Variants in TCF12 observed in about 807,000 individuals in gnomAD.
TCF12 encodes the protein transcription factor 12.
In TCF12, 45 loss-of-function variants were observed where a neutral mutation model predicts 86.0. The ratio of observed to expected loss-of-function variants is 0.52; its 90% CI spans 0.41 to 0.67. The LOEUF (loss-of-function observed/expected upper bound fraction) is 0.67. TCF12 is among the 30% of genes least tolerant of loss of function. TCF12 has a pLI of 0.00. For missense variants in TCF12, 881 were observed against 859.9 expected, an observed-to-expected ratio of 1.02 and a Z score of -0.31; for synonymous variants, 330 against 299.6, an observed-to-expected ratio of 1.10 and a Z score of -1.05.
At chr15:57,001,584 T>C (rs1379992128) in intron 3 of TCF12, among the ~76,000 whole-genome samples, 3 of 152,212 alleles carry the variant, frequency 2.0e-5, no homozygotes, top group Non-Finnish European at 4.4e-5. Flanking sequence ...TAGTTTTCCT[T>C]ATACCTGATG....
chr15:57,135,512 A>G (rs1382045290), intron 5 of TCF12, among the ~76,000 whole-genome samples: 1 of 152,204 alleles, frequency 6.6e-6, no homozygotes, highest in Non-Finnish European at 1.5e-5. Context: ...TATCAACCTT[A>G]AAGGTGTTTC....
chr15:57,026,372 A>G (rs1313880361), intron 3 of TCF12, among the ~76,000 whole-genome samples: 2 of 152,226 alleles, frequency 1.3e-5, no homozygotes, highest in African/African-American at 2.4e-5. Flanking sequence ...GGGTTTCAGC[A>G]GTGAAAAAGA....
intron 6 of TCF12, among the ~76,000 whole-genome samples, chr15:57,172,881 A>T (rs2055617207): frequency 6.6e-6 from 1 of 151,930 alleles, no homozygotes; most frequent in Non-Finnish European, 1.5e-5. Context: ...CAGGAGGATC[A>T]CTTGAGCCCA....
At chr15:57,147,743 G>C (rs544626210) in intron 5 of TCF12, among the ~76,000 whole-genome samples, 5 of 152,108 alleles carry the variant, frequency 3.3e-5, no homozygotes, top group Non-Finnish European at 7.4e-5. Context: ...GAAAATGATA[G>C]TAAAATGTAG....
At position 56,986,860 on chromosome 15, in the gene TCF12, G is replaced by A. The variant is rs111892966; in HGVS notation, c.148+65762G>A. The stretch of plus-strand genomic sequence containing the variant: ...ATAATTCTGACAAAATTAGTTACAT[G>A]TAATACATAGCAGGATGTACTTGTT... On this transcript the variant is annotated intron_variant, in intron 3 of 20. Coordinates refer to ENST00000333725, the MANE Select transcript of TCF12 (RefSeq NM_207037.2). 9.0e-4 allele frequency among the ~76,000 whole-genome samples: 137 copies of A among 152,266 alleles called. 4 individuals carry two copies. Among genetic ancestry groups the A allele is most frequent in the African/African-American group, 3.2e-3 (135 of 41,546 alleles).
Position 56,999,389 on chromosome 15 carries a change from T to TA in TCF12, c.149-64355dup, listed in dbSNP as rs1161187802. Among the ~76,000 whole-genome samples, 8 of 121,388 alleles carry TA rather than the reference T, an allele frequency of 6.6e-5. No homozygotes were observed. The South Asian group carries it at 1.3e-3, about 19-fold the overall frequency. The allele number at this position is 121,388 out of a possible 152,430, so 79.6% of individuals were successfully genotyped here. ...CAATACAGCAGAAAAAGGGAAGACATAAAAAACTAGTATCAGCAACCAAAC... is the reference window on the plus strand; with the variant it reads ...CAATACAGCAGAAAAAGGGAAGACATAAAAAAACTAGTATCAGCAACCAAAC... On this transcript the variant is annotated intron_variant, in intron 3 of 20. Coordinates refer to ENST00000333725, the MANE Select transcript of TCF12 (RefSeq NM_207037.2).
chr15:57,139,530 A>G (rs1233361742), intron 5 of TCF12, among the ~76,000 whole-genome samples: 1 of 152,140 alleles, frequency 6.6e-6, no homozygotes, highest in Non-Finnish European at 1.5e-5. Flanking sequence ...TGGAAAAATT[A>G]ATAGTATCAC....
intron 5 of TCF12, among the ~76,000 whole-genome samples, chr15:57,123,078 A>G (rs560297311): frequency 8.5e-5 from 13 of 152,364 alleles, no homozygotes; most frequent in Non-Finnish European, 1.6e-4. Context: ...TGTCATTCAC[A>G]ACAATGAATG....
intron 5 of TCF12, among the ~76,000 whole-genome samples, chr15:57,097,105 A>G (rs1478371164): frequency 2.0e-5 from 3 of 152,204 alleles, no homozygotes; most frequent in African/African-American, 7.2e-5. Context: ...CAAATAACCA[A>G]ATTTCAAAGA....
At chr15:57,063,293 TCTGATCA>T (rs2068601434) in intron 3 of TCF12, among the ~76,000 whole-genome samples, 1 of 152,240 alleles carries the variant, frequency 6.6e-6, no homozygotes, top group Admixed American at 6.5e-5. Context: ...GTTAAGAATA[TCTGATCA>T]CTGATCAGAA....
At chr15:57,222,801 A>G (rs1441214029) in intron 8 of TCF12, among the ~76,000 whole-genome samples, 1 of 56,460 alleles carries the variant, frequency 1.8e-5, no homozygotes, top group Non-Finnish European at 3.4e-5. Flanking sequence ...TTTTACTTTT[A>G]AGATTCTGGA....
chr15:57,193,512 T>C (rs2057092456), intron 7 of TCF12, among the ~76,000 whole-genome samples: 1 of 152,256 alleles, frequency 6.6e-6, no homozygotes, highest in Non-Finnish European at 1.5e-5. Context: ...TCTCTGATGC[T>C]TTATCCAAAC....
At chr15:57,111,506 G>A (rs1247536356) in intron 5 of TCF12, among the ~76,000 whole-genome samples, 2 of 151,530 alleles carry the variant, frequency 1.3e-5, no homozygotes, top group African/African-American at 4.9e-5. Context: ...ACAACCATCA[G>A]CCACAGGAGG....
intron 3 of TCF12, among the ~76,000 whole-genome samples, chr15:56,935,276 T>G (rs185401746): frequency 2.0e-5 from 3 of 152,210 alleles, no homozygotes; most frequent in Non-Finnish European, 4.4e-5. Flanking sequence ...ACCATAGATT[T>G]GGTGGCTTAC....
At chr15:56,949,132 G>GT (rs1344022933) in intron 3 of TCF12, among the ~76,000 whole-genome samples, 1 of 152,136 alleles carries the variant, frequency 6.6e-6, no homozygotes, top group Non-Finnish European at 1.5e-5. Context: ...ACATTAAATT[G>GT]TTTTAAATGT....
chr15:57,196,067 A>G lies in TCF12; in HGVS notation c.527-1706A>G, dbSNP rs2057248651. Among the ~76,000 whole-genome samples, 6 of 152,178 alleles carry G rather than the reference A, an allele frequency of 3.9e-5. No individual in the cohort carries two copies. The South Asian group carries it at 1.2e-3, about 32-fold the overall frequency. ...AGTGTCATTTATGGACCAGGAAAAT[A>G]TAATCCCAGCACTTTGGGAGGCCGA... On this transcript the variant is annotated intron_variant, in intron 7 of 20. Transcript: ENST00000333725.
intron 3 of TCF12, among the ~76,000 whole-genome samples, chr15:56,947,179 A>G (rs140577652): frequency 1.5e-3 from 225 of 152,312 alleles, no homozygotes; most frequent in African/African-American, 4.4e-3. Context: ...TGGGCATTCA[A>G]CGTTTAGGCT....
chr15:56,966,349 T>A (rs1212401248), intron 3 of TCF12, among the ~76,000 whole-genome samples: 3 of 152,200 alleles, frequency 2.0e-5, no homozygotes, highest in Non-Finnish European at 4.4e-5. Flanking sequence ...TTGCCATTAC[T>A]TTCAATGGCA....
In TCF12 at chr15:57,224,222, T is replaced by G. The variant is rs568549448; in HGVS notation, c.580-6930T>G. Among the ~76,000 whole-genome samples the G allele has an allele frequency of 2.6e-5, 4 of 152,222 alleles. No individual in the cohort carries two copies. In the South Asian group the frequency reaches 6.2e-4, roughly 24 times the overall value. On this transcript the variant is annotated intron_variant, in intron 8 of 20. Transcript: ENST00000333725. ...CAAAGGGGATCAGGTGCAATATTGTTGAATCTAAATTTTTTTTAAAGTAGG... is the reference window on the plus strand; with the variant it reads ...CAAAGGGGATCAGGTGCAATATTGTGGAATCTAAATTTTTTTTAAAGTAGG...
Sources: gnomAD v4.1 joint callset for allele counts (sites outside exome capture counted in the v4.1 genomes callset) on GRCh38, gnomAD v4.1.1 for gene constraint, MANE v1.5 for transcripts, NCBI Gene and HGNC (gene_info 2026-07-23, HGNC 2026-07-21) for gene names.